Variants in TMA16 observed in about 807,000 individuals in gnomAD.
TMA16 encodes translation machinery-associated protein 16.
Under a neutral mutation model 27.1 loss-of-function variants are expected in TMA16, and 26 were observed. The ratio of observed to expected loss-of-function variants is 0.96; its 90% CI spans 0.70 to 1.33. TMA16 has a LOEUF of 1.33. Ranked by LOEUF, TMA16 falls within the 40% of genes most tolerant of loss-of-function variation. The pLI, the probability that TMA16 is intolerant of heterozygous loss-of-function variation, is 0.00. For missense variants in TMA16, 233 were observed against 241.4 expected (o/e 0.97, Z 0.23); for synonymous variants, 71 against 81.9 (o/e 0.87, Z 0.72).
At position 163,507,066 on chromosome 4, in the gene TMA16, GAAAA is replaced by G; in HGVS notation, c.42_45del (p.Lys15SerfsTer25). The G allele has an allele frequency of 6.3e-7, 1 of 1,593,356 alleles. No homozygotes were observed. The highest frequency in any genetic ancestry group is 8.6e-7 in the Non-Finnish European group (1 of 1,169,252). ...ACCAAAGGGAAAAAGTGCAGGACGG[GAAAA>G]AAAAGTCATCCATCCATATAGTAGA... On this transcript the variant is annotated frameshift_variant, in exon 2 of 7. Coordinates refer to ENST00000358572, the MANE Select transcript of TMA16 (RefSeq NM_018352.3). LOFTEE classifies it high-confidence loss of function.
At chr4:163,497,680 C>T (rs1186741094) in intron 1 of TMA16, among the ~76,000 whole-genome samples, 1 of 152,166 alleles carries the variant, frequency 6.6e-6, no homozygotes, top group Non-Finnish European at 1.5e-5. Context: ...TCCTGCCTTC[C>T]TCTTACATGG....
At chr4:163,494,856 C>T (rs116596859) in intron 1 of TMA16, 52 bp downstream of exon 1, 2 of 1,608,074 alleles carry the variant, frequency 1.2e-6, no homozygotes, top group Non-Finnish European at 8.5e-7. Flanking sequence ...CCGGAAGGCT[C>T]TTGTTGAGCA....
chr4:163,502,573 T>G lies in TMA16; in HGVS notation c.4-4460T>G, dbSNP rs529004851. On this transcript the variant is annotated intron_variant, in intron 1 of 6. Transcript: ENST00000358572. ...TACCAAGAGGGAAAGGCTACTGAGA[T>G]ATGAAATTATTCTTGGATCCCTTCA... Among the ~76,000 whole-genome samples the G allele has an allele frequency of 5.3e-5, 8 of 152,326 alleles. No individual in the cohort carries two copies. In the East Asian group the frequency reaches 1.5e-3, roughly 29 times the overall value.
At chr4:163,505,374 G>T (rs190563330) in intron 1 of TMA16, among the ~76,000 whole-genome samples, 1 of 152,158 alleles carries the variant, frequency 6.6e-6, no homozygotes, top group African/African-American at 2.4e-5. Flanking sequence ...TTAAGATTCA[G>T]ATGTGGATAT....
chr4:163,503,153 G>A (rs756788235), intron 1 of TMA16, among the ~76,000 whole-genome samples: 1 of 152,100 alleles, frequency 6.6e-6, no homozygotes, highest in Non-Finnish European at 1.5e-5. Context: ...GTTTGTGTAA[G>A]TACACTTTAT....
Position 163,515,203 on chromosome 4 carries a change from C to T in TMA16, c.240-110C>T. On this transcript the variant is annotated intron_variant, in intron 4 of 6. Coordinates refer to ENST00000358572, the MANE Select transcript of TMA16 (RefSeq NM_018352.3). The stretch of plus-strand genomic sequence containing the variant: ...TGAGGACCTGAGGAACTCAGAGAAA[C>T]ATAAACATTTAAAGGCCACATGAAG... 5 of 1,123,542 alleles carry T rather than the reference C, an allele frequency of 4.5e-6. No individual in the cohort carries two copies. The South Asian group carries it at 6.1e-5, about 14-fold the overall frequency. The allele number at this position is 1,123,542 out of a possible 1,614,324, so 69.6% of individuals were successfully genotyped here.
At chr4:163,511,578 A>G (rs1737798173) in intron 2 of TMA16, among the ~76,000 whole-genome samples, 1 of 152,014 alleles carries the variant, frequency 6.6e-6, no homozygotes, top group African/African-American at 2.4e-5. Context: ...TGGGAGGCCA[A>G]GGTGAGAGGA....
At chr4:163,513,226 C>G (rs1316023663) in intron 3 of TMA16, among the ~76,000 whole-genome samples, 1 of 152,160 alleles carries the variant, frequency 6.6e-6, no homozygotes, top group Non-Finnish European at 1.5e-5. Flanking sequence ...TGGACATACA[C>G]ATCTTCAGTT....
chr4:163,494,836 G>C, intron 1 of TMA16, 32 bp downstream of exon 1: 1 of 1,610,394 alleles, frequency 6.2e-7, no homozygotes, highest in Non-Finnish European at 8.5e-7. Flanking sequence ...CGAACCGCTC[G>C]GTTGGTTCCC....
intron 2 of TMA16, among the ~76,000 whole-genome samples, chr4:163,508,408 A>G (rs961573203): frequency 4.6e-5 from 7 of 152,176 alleles, no homozygotes; most frequent in Non-Finnish European, 7.3e-5. Context: ...TCACTGACCT[A>G]TACTATTATT....
Position 163,517,493 on chromosome 4 carries a change from T to TC in TMA16, c.431+17_431+18insC. On this transcript the variant is annotated intron_variant, in intron 6 of 6. Transcript: ENST00000358572. ...AACATTTAGGTGAGTCTGTCTTGTATTGTTCCCCTGAAGCTGTGTGTAAAG... is the reference window on the plus strand; with the variant it reads ...AACATTTAGGTGAGTCTGTCTTGTATCTGTTCCCCTGAAGCTGTGTGTAAAG... 6.2e-7 allele frequency: 1 copy of TC among 1,611,344 alleles called. No individual in the cohort carries two copies. Among genetic ancestry groups the TC allele is most frequent in the South Asian group, 1.1e-5 (1 of 90,492 alleles).
intron 4 of TMA16, among the ~76,000 whole-genome samples, chr4:163,514,938 C>T (rs1438685254): frequency 2.0e-5 from 3 of 151,492 alleles, no homozygotes; most frequent in African/African-American, 2.4e-5. Context: ...TCAGATTCCT[C>T]GTCTGGACAA....
intron 2 of TMA16, among the ~76,000 whole-genome samples, chr4:163,508,522 C>T (rs2110801546): frequency 6.6e-6 from 1 of 152,184 alleles, no homozygotes; most frequent in African/African-American, 2.4e-5. Context: ...TGAGACATAA[C>T]TTTTGTATAT....
intron 6 of TMA16, 79 bp from the exon 7 acceptor site, chr4:163,519,255 G>A (rs931601320): frequency 2.6e-5 from 36 of 1,360,772 alleles, no homozygotes; most frequent in Middle Eastern, 2.4e-4. Context: ...TCAGAGTTTC[G>A]AAAATTTACT....
intron 1 of TMA16, among the ~76,000 whole-genome samples, chr4:163,501,478 C>T (rs1187458732): frequency 6.6e-6 from 1 of 152,184 alleles, no homozygotes; most frequent in Non-Finnish European, 1.5e-5. Flanking sequence ...CTTTCTACAG[C>T]TTATTTTAAT....
intron 2 of TMA16, among the ~76,000 whole-genome samples, chr4:163,511,787 T>C (rs1737803908): frequency 6.6e-6 from 1 of 152,018 alleles, no homozygotes; most frequent in African/African-American, 2.4e-5. Context: ...ACAGCACTAC[T>C]GCAGTCCTGC....
Position 163,507,076 on chromosome 4 carries a change from TCATC to T in TMA16, c.55_58del (p.Pro19IlefsTer21), listed in dbSNP as rs1207860094. 1.0e-5 allele frequency: 16 copies of T among 1,595,866 alleles called. No homozygotes were observed. Among genetic ancestry groups the T allele is most frequent in the Non-Finnish European group, 1.4e-5 (16 of 1,170,394 alleles). On this transcript the variant is annotated frameshift_variant, in exon 2 of 7. Coordinates refer to ENST00000358572, the MANE Select transcript of TMA16 (RefSeq NM_018352.3). LOFTEE classifies it high-confidence loss of function. ...AAAAGTGCAGGACGGGAAAAAAAAG[TCATC>T]CATCCATATAGTAGAAAAGCAGCTC... is the stretch of plus-strand genomic sequence containing the variant.
chr4:163,510,316 C>T lies in TMA16; in HGVS notation c.117-2506C>T, dbSNP rs371949779. Among the ~76,000 whole-genome samples the T allele has an allele frequency of 7.9e-5, 12 of 152,318 alleles. No individual in the cohort carries two copies. The South Asian group carries it at 1.7e-3, about 21-fold the overall frequency. ...ACAATTGTATACATTGGTGTAGCCA[C>T]CCTGATCAGTATGTAGTATACAATT... On this transcript the variant is annotated intron_variant, in intron 2 of 6. Coordinates refer to ENST00000358572, the MANE Select transcript of TMA16 (RefSeq NM_018352.3).
At chr4:163,515,483 T>G (rs1737863588) in intron 5 of TMA16, 22 bp downstream of exon 5, 1 of 1,599,792 alleles carries the variant, frequency 6.3e-7, no homozygotes, top group African/African-American at 1.3e-5. Context: ...GATTTTTTAT[T>G]TTCCTTTTAT....
Sources: allele counts gnomAD v4.1 joint callset (sites outside exome capture counted in the v4.1 genomes callset), GRCh38; gene constraint gnomAD v4.1.1; transcripts MANE v1.5; gene names NCBI Gene and HGNC (gene_info 2026-07-23, HGNC 2026-07-21).